Variants in PLEKHH2 observed in about 807,000 individuals in gnomAD.
PLEKHH2 encodes pleckstrin homology domain-containing family H member 2.
PLEKHH2 carries 129 observed loss-of-function variants against 187.9 expected under a neutral mutation model. The ratio of observed to expected loss-of-function variants is 0.69; its 90% confidence interval spans 0.59 to 0.79. PLEKHH2 has a LOEUF of 0.79. Among genes scored for constraint, PLEKHH2 ranks in the 30% least tolerant of loss-of-function variants. PLEKHH2 has a pLI of 0.00. For missense variants in PLEKHH2, 2,076 were observed against 1,751.2 expected, an observed-to-expected ratio of 1.19 and a Z score of -3.31; for synonymous variants, 686 against 605.6, an observed-to-expected ratio of 1.13 and a Z score of -1.95.
intron 19 of PLEKHH2, among the ~76,000 whole-genome samples, chr2:43,733,200 A>T (rs1324786952): frequency 6.6e-6 from 1 of 151,842 alleles, no homozygotes; most frequent in Non-Finnish European, 1.5e-5. Flanking sequence ...GTCTCTACTT[A>T]AAAAATACAA....
At chr2:43,701,767 AT>A (rs34664734) in intron 8 of PLEKHH2, among the ~76,000 whole-genome samples, 94 of 130,926 alleles carry the variant, frequency 7.2e-4, no homozygotes, top group East Asian at 1.5e-3. Flanking sequence ...TTTAATTTTA[AT>A]TTTTTTTTTT....
intron 9 of PLEKHH2, among the ~76,000 whole-genome samples, chr2:43,706,040 G>A (rs1352078695): frequency 1.3e-5 from 2 of 152,194 alleles, no homozygotes; most frequent in African/African-American, 2.4e-5. Context: ...AGCAAAGCAT[G>A]CATGGAGATT....
chr2:43,738,142 G>T (rs994695303), intron 19 of PLEKHH2, among the ~76,000 whole-genome samples, 199 bp from the exon 20 acceptor site: 2 of 152,040 alleles, frequency 1.3e-5, no homozygotes, highest in African/African-American at 4.8e-5. Context: ...TTTATCTCTG[G>T]CAGAATTCCT....
Position 43,721,267 on chromosome 2 carries a change from T to C in PLEKHH2, c.2541+518T>C, listed in dbSNP as rs549484955. On this transcript the variant is annotated intron_variant, in intron 16 of 29. Coordinates refer to ENST00000282406, the MANE Select transcript of PLEKHH2 (RefSeq NM_172069.4). Reference sequence around the variant, plus strand: ...TTTCAGAATAAAAAGATGGGGTGTCTGCCCAAAGGTAAAACGCATGCCCAG... The same window carrying C: ...TTTCAGAATAAAAAGATGGGGTGTCCGCCCAAAGGTAAAACGCATGCCCAG... Among the ~76,000 whole-genome samples, 18 of 152,340 alleles carry C rather than the reference T, an allele frequency of 1.2e-4. No individual in the cohort carries two copies. In the South Asian group the frequency reaches 3.5e-3, roughly 30 times the overall value.
intron 1 of PLEKHH2, among the ~76,000 whole-genome samples, chr2:43,640,918 G>C (rs1014605201): frequency 6.0e-5 from 9 of 150,944 alleles, no homozygotes; most frequent in Non-Finnish European, 1.0e-4. Context: ...CAAGTAGCTG[G>C]GACTACAGGC....
chr2:43,703,298 C>G (rs777918747), intron 8 of PLEKHH2, among the ~76,000 whole-genome samples: 10 of 152,166 alleles, frequency 6.6e-5, no homozygotes, highest in Non-Finnish European at 1.3e-4. Flanking sequence ...GTAACCTGTC[C>G]AGTACCTGTT....
intron 2 of PLEKHH2, among the ~76,000 whole-genome samples, chr2:43,668,613 ATTCT>A (rs1294045318): frequency 6.6e-6 from 1 of 152,168 alleles, no homozygotes; most frequent in Non-Finnish European, 1.5e-5. Context: ...AATAATTGCA[ATTCT>A]TTCTTCTGGA....
chr2:43,677,169 G>C (rs6754334), intron 2 of PLEKHH2, among the ~76,000 whole-genome samples: 100,912 of 151,308 alleles, frequency 0.67, 34,379 homozygotes, highest in Middle Eastern at 0.73. Flanking sequence ...CAGTGAACTA[G>C]TTTAAAATAT....
At chr2:43,693,723 CAA>C (rs70965316) in intron 4 of PLEKHH2, among the ~76,000 whole-genome samples, 8 of 69,684 alleles carry the variant, frequency 1.1e-4, no homozygotes, top group African/African-American at 1.3e-4. Flanking sequence ...GACTCCATCT[CAA>C]AAAAAAAAAA....
At chr2:43,750,353 T>C (rs1437971513) in intron 24 of PLEKHH2, among the ~76,000 whole-genome samples, 2 of 152,120 alleles carry the variant, frequency 1.3e-5, no homozygotes. Flanking sequence ...GCGCCTGTAG[T>C]CCCGGCTACA....
intron 9 of PLEKHH2, among the ~76,000 whole-genome samples, chr2:43,704,684 A>AAAAAAG (rs1669561803): frequency 1.3e-5 from 2 of 150,278 alleles, no homozygotes; most frequent in Non-Finnish European, 2.9e-5. Flanking sequence ...AAAAAAAAAA[A>AAAAAAG]AAGATTAAGA....
intron 24 of PLEKHH2, among the ~76,000 whole-genome samples, chr2:43,750,285 A>G (rs997405519): frequency 6.6e-6 from 1 of 152,222 alleles, no homozygotes. Flanking sequence ...CAGCCTGGCC[A>G]ACATGGTGAA....
intron 19 of PLEKHH2, among the ~76,000 whole-genome samples, chr2:43,733,383 A>T (rs1486592807): frequency 1.5e-5 from 2 of 137,792 alleles, no homozygotes; most frequent in African/African-American, 5.8e-5. Context: ...AAAAAAAAAA[A>T]TCCCTCCACT....
chr2:43,650,144 CTTTTTTT>C (rs70965311), intron 2 of PLEKHH2, among the ~76,000 whole-genome samples: 17 of 95,676 alleles, frequency 1.8e-4, no homozygotes, highest in Non-Finnish European at 2.6e-4. Context: ...TTTTTCTTTC[CTTTTTTT>C]TTTTTTTTTT....
Position 43,651,362 on chromosome 2 carries a change from C to T in PLEKHH2, c.123+6566C>T, listed in dbSNP as rs114608265. On this transcript the variant is annotated intron_variant, in intron 2 of 29. Coordinates refer to ENST00000282406, the MANE Select transcript of PLEKHH2 (RefSeq NM_172069.4). Reference sequence around the variant, plus strand: ...GATTATAGGCGTGAGCCACCGCGCCCGGCCCTCAAATTTCAAATTTAGCCT... The same window carrying T: ...GATTATAGGCGTGAGCCACCGCGCCTGGCCCTCAAATTTCAAATTTAGCCT... Among the ~76,000 whole-genome samples the T allele has an allele frequency of 7.6e-3, 1,153 of 152,182 alleles. 11 individuals carry two copies. The highest frequency in any genetic ancestry group is 0.026 in the African/African-American group (1,096 of 41,508).
At chr2:43,706,248 T>G in intron 9 of PLEKHH2, 74 bp from the exon 10 acceptor site, 1 of 995,064 alleles carries the variant, frequency 1.0e-6, no homozygotes. Flanking sequence ...TATGCTCATT[T>G]GTATTCATAA....
intron 3 of PLEKHH2, chr2:43,681,569 C>G: frequency 9.5e-7 from 1 of 1,052,828 alleles, no homozygotes; most frequent in East Asian, 2.6e-5. Flanking sequence ...TGGGCCCGCA[C>G]CTTCGGCACT....
Position 43,731,561 on chromosome 2 carries a change from C to A in PLEKHH2, c.2902C>A (p.Pro968Thr), listed in dbSNP as rs747906900. ...AATCATTTCCCCTCTGACAACTCTA[C>A]CTTCCGAAGCCCTGCAGACAGAAGC... ...EGIISPLTTL[P>T]SEALQTEAIK... Residue 968 changes from proline (P) to threonine (T), a missense_variant, in exon 19 of 30, where the codon CCT (proline) becomes ACT (threonine). By Grantham distance (38) the Pro-to-Thr change is conservative. Transcript: ENST00000282406. The A allele has an allele frequency of 6.2e-7, 1 of 1,601,714 alleles. No homozygotes were observed. The highest frequency in any genetic ancestry group is 1.7e-5 in the Admixed American group (1 of 59,720).
At chr2:43,678,949 T>A (rs758884173) in intron 3 of PLEKHH2, 24 bp downstream of exon 3, 52 of 1,528,062 alleles carry the variant, frequency 3.4e-5, no homozygotes, top group African/African-American at 4.1e-5. Flanking sequence ...TTACTTTAAA[T>A]TTTTTTTGCC....
Sources: allele counts gnomAD v4.1 joint callset (sites outside exome capture counted in the v4.1 genomes callset), GRCh38; gene constraint gnomAD v4.1.1; transcripts MANE v1.5; gene names NCBI Gene and HGNC (gene_info 2026-07-23, HGNC 2026-07-21).